MINK1: variants seen among roughly 807,000 people sequenced by gnomAD.
MINK1 encodes misshapen-like kinase 1.
Under a neutral mutation model 178.4 loss-of-function variants are expected in MINK1, and 46 were observed. The observed-to-expected ratio is 0.26, with a 90% confidence interval of 0.20 to 0.33. The LOEUF (loss-of-function observed/expected upper bound fraction) is 0.33. Among genes scored for constraint, MINK1 ranks in the 10% least tolerant of loss-of-function variants. MINK1 has a pLI of 1.00. For synonymous variants in MINK1, 797 were observed against 709.7 expected, an observed-to-expected ratio of 1.12 and a Z score of -1.96; for missense variants, 1,366 against 1,814.9, an observed-to-expected ratio of 0.75 and a Z score of 4.49.
intron 1 of MINK1, among the ~76,000 whole-genome samples, chr17:4,858,457 A>AT (rs201039647): frequency 2.4e-4 from 35 of 146,998 alleles, no homozygotes; most frequent in East Asian, 1.6e-3. Flanking sequence ...TTCCCTGTTT[A>AT]TTTTTTTTTA....
intron 13 of MINK1, 94 bp downstream of exon 13, chr17:4,889,857 AC>A: frequency 2.7e-6 from 2 of 744,750 alleles, no homozygotes; most frequent in South Asian, 1.9e-5. Context: ...TCTCTCCCCC[AC>A]CCCCAGATTC....
intron 4 of MINK1, among the ~76,000 whole-genome samples, chr17:4,882,166 C>T (rs764391624): frequency 7.9e-5 from 12 of 152,222 alleles, no homozygotes; most frequent in East Asian, 1.9e-4. Flanking sequence ...AGTGGCCGGG[C>T]GCCCCCTTCT....
chr17:4,833,517 G>T lies in MINK1; in HGVS notation c.-67G>T. 7.4e-7 allele frequency: 1 copy of T among 1,349,322 alleles called. No homozygotes were observed. The highest frequency in any genetic ancestry group is 2.3e-5 in the Admixed American group (1 of 43,632). The allele number at this position is 1,349,322 out of a possible 1,614,324, so 83.6% of individuals were successfully genotyped here. ...GGTTCTCCGATGGGGGAGAAGCGGC[G>T]ACGGCGGCAGTGGAGTAACCGAGCC... On this transcript the variant is annotated 5_prime_UTR_variant, in exon 1 of 32. Transcript: ENST00000355280. This position sits in a 1 kb window ranked among gnomAD's most constrained non-coding sequence, Gnocchi z 4.8.
At chr17:4,851,107 C>T in intron 1 of MINK1, 1 of 441,222 alleles carries the variant, frequency 2.3e-6, no homozygotes. Flanking sequence ...TGCCACACTT[C>T]ACCCTAAATC....
chr17:4,847,099 T>C (rs1911153056), intron 1 of MINK1: 1 of 453,086 alleles, frequency 2.2e-6, no homozygotes, highest in Non-Finnish European at 4.5e-6. Context: ...CCAAATTGCC[T>C]ATCTCTAAAG....
At chr17:4,874,895 A>G (rs960279303) in intron 1 of MINK1, among the ~76,000 whole-genome samples, 1 of 152,116 alleles carries the variant, frequency 6.6e-6, no homozygotes, top group Admixed American at 6.6e-5. Context: ...AAGGAGACAG[A>G]TTGGGAGTCA....
intron 1 of MINK1, among the ~76,000 whole-genome samples, chr17:4,838,695 A>G (rs1909668923): frequency 6.6e-6 from 1 of 152,186 alleles, no homozygotes; most frequent in African/African-American, 2.4e-5. Context: ...ACTGGAGAAC[A>G]TCTCCAGAAG....
chr17:4,835,349 C>T, intron 1 of MINK1, among the ~76,000 whole-genome samples: 1 of 152,152 alleles, frequency 6.6e-6, no homozygotes. Flanking sequence ...GTGGGTCAGG[C>T]CGGGCGAGGT....
intron 1 of MINK1, among the ~76,000 whole-genome samples, chr17:4,850,626 T>C (rs1283778004): frequency 6.6e-6 from 1 of 150,496 alleles, no homozygotes; most frequent in African/African-American, 2.4e-5. Context: ...AGAGCTTTCC[T>C]TCCTAAGTTT....
rs1006291588 is a variant in MINK1 at position 4,867,021 on chromosome 17, C to T, written c.58-11296C>T. On this transcript the variant is annotated intron_variant, in intron 1 of 31. Transcript: ENST00000355280. ...CCGGGAGGCGGAGCTTGTAGTGAAC[C>T]GGGACCGTGCCGCTTGCACTCCAGC... 7.4e-5 allele frequency among the ~76,000 whole-genome samples: 11 copies of T among 149,092 alleles called. 1 individual carries two copies. The highest frequency in any genetic ancestry group is 6.7e-4 in the Admixed American group (10 of 14,866).
In MINK1 at chr17:4,897,221, C is replaced by T; in HGVS notation, c.3933C>T (p.Val1311=). Residue 1311 remains valine (V), a synonymous_variant, in exon 32 of 32, where the codon GTC becomes GTT. Coordinates refer to ENST00000355280, the MANE Select transcript of MINK1 (RefSeq NM_153827.5). ...ERNDKVFFAS[V]RSGGSSQVYF... is the part of the protein sequence containing the mutation. ...CCACCCAGGTGTTTTTTGCCTCAGT[C>T]CGCTCTGGGGGCAGCAGCCAAGTTT... The T allele has an allele frequency of 6.2e-7, 1 of 1,613,656 alleles. No homozygotes were observed. Among genetic ancestry groups the T allele is most frequent in the Non-Finnish European group, 8.5e-7 (1 of 1,179,724 alleles).
chr17:4,850,086 T>G (rs1412875900), intron 1 of MINK1, among the ~76,000 whole-genome samples: 1 of 152,148 alleles, frequency 6.6e-6, no homozygotes, highest in Non-Finnish European at 1.5e-5. Context: ...TTCACAGGTG[T>G]TGTGTAATTA....
At chr17:4,862,120 GTT>G (rs1415482362) in intron 1 of MINK1, among the ~76,000 whole-genome samples, 2 of 152,036 alleles carry the variant, frequency 1.3e-5, no homozygotes, top group Non-Finnish European at 2.9e-5. Context: ...CCTGTGAAAG[GTT>G]AAATAGAGAT....
intron 1 of MINK1, among the ~76,000 whole-genome samples, chr17:4,854,390 CCT>C (rs1455694351): frequency 6.6e-6 from 1 of 152,192 alleles, no homozygotes; most frequent in African/African-American, 2.4e-5. Flanking sequence ...CTGTGGGGAA[CCT>C]AGACATGGAG....
chr17:4,878,100 G>A (rs918889905), intron 1 of MINK1, among the ~76,000 whole-genome samples: 1 of 152,028 alleles, frequency 6.6e-6, no homozygotes, highest in Admixed American at 6.5e-5. Context: ...GTGAGCCACC[G>A]TGCCCGGCCA....
In MINK1 at chr17:4,836,754, C is replaced by A. The variant is rs970952361; in HGVS notation, c.57+3114C>A. On this transcript the variant is annotated intron_variant, in intron 1 of 31. Coordinates refer to ENST00000355280, the MANE Select transcript of MINK1 (RefSeq NM_153827.5). The surrounding 1 kb of genome is among the most constrained non-coding windows in gnomAD (Gnocchi z 4.3). ...GAGAAGCCTTCCAGGACAACTTTAT[C>A]TAAAATAGCACTCCCTCCTCTGCTT... 6.6e-6 allele frequency among the ~76,000 whole-genome samples: 1 copy of A among 152,168 alleles called. No individual in the cohort carries two copies. The highest frequency in any genetic ancestry group is 1.9e-4 in the East Asian group (1 of 5,202).
rs969402070 is a variant in MINK1, at chr17:4,896,871, C to T, written c.3915+58C>T. 2.5e-5 allele frequency: 37 copies of T among 1,510,036 alleles called. No individual in the cohort carries two copies. The highest frequency in any genetic ancestry group is 1.6e-4 in the Admixed American group (7 of 43,204). The allele number at this position is 1,510,036 out of a possible 1,614,324, so 93.5% of individuals were successfully genotyped here. On this transcript the variant is annotated intron_variant, in intron 31 of 31. Transcript: ENST00000355280. This position sits in a 1 kb window ranked among gnomAD's most constrained non-coding sequence, Gnocchi z 4.6. ...GTCCCGGCTGCCATGACCCTAGGCC[C>T]CTGGGCAGAGTTCTGGGGAGAGGAT...
intron 1 of MINK1, among the ~76,000 whole-genome samples, chr17:4,851,248 G>A (rs1175837779): frequency 1.3e-5 from 2 of 152,074 alleles, no homozygotes; most frequent in African/African-American, 2.4e-5. Context: ...TTTCCACATC[G>A]GTGAATTCTT....
intron 4 of MINK1, among the ~76,000 whole-genome samples, chr17:4,882,551 A>G (rs1567602144): frequency 6.6e-6 from 1 of 152,106 alleles, no homozygotes; most frequent in African/African-American, 2.4e-5. Flanking sequence ...GAGAATCACT[A>G]TTTCTTAGCC....
Sources: allele counts gnomAD v4.1 joint callset (sites outside exome capture counted in the v4.1 genomes callset), GRCh38; gene constraint gnomAD v4.1.1; non-coding constraint Gnocchi (gnomAD v3.1); transcripts MANE v1.5; gene names NCBI Gene and HGNC (gene_info 2026-07-23, HGNC 2026-07-21).